The following PPM1E variants were observed in gnomAD, a reference collection of about 807,000 sequenced individuals.
The protein encoded by PPM1E is protein phosphatase, Mg2+/Mn2+ dependent 1E, also known as protein phosphatase 1E.
In PPM1E, 20 loss-of-function variants were observed where a neutral mutation model predicts 65.9. That is an observed-to-expected ratio of 0.30 (90% confidence interval 0.21 to 0.44). The LOEUF (loss-of-function observed/expected upper bound fraction) is 0.44, where lower values mean the gene tolerates loss of function less well. PPM1E is among the 20% of genes least tolerant of loss of function. PPM1E has a pLI of 1.00. For missense variants in PPM1E, 713 were observed against 953.1 expected, an observed-to-expected ratio of 0.75 and a Z score of 3.32; for synonymous variants, 352 against 374.9, an observed-to-expected ratio of 0.94 and a Z score of 0.70.
At chr17:58,950,786 T>TC (rs1395229903) in intron 1 of PPM1E, among the ~76,000 whole-genome samples, 1 of 147,540 alleles carries the variant, frequency 6.8e-6, no homozygotes, top group African/African-American at 2.5e-5. Flanking sequence ...TCTTTTTTTT[T>TC]TTTTTTTTTT....
intron 1 of PPM1E, among the ~76,000 whole-genome samples, chr17:58,838,353 A>G (rs1018848057): frequency 3.3e-5 from 5 of 152,228 alleles, no homozygotes; most frequent in Non-Finnish European, 7.3e-5. Flanking sequence ...GAACAACCCA[A>G]TTAAAAAGGG....
At chr17:58,825,216 ACACACACT>A (rs1307334085) in intron 1 of PPM1E, among the ~76,000 whole-genome samples, 3 of 106,914 alleles carry the variant, frequency 2.8e-5, no homozygotes, top group African/African-American at 1.2e-4. Context: ...TGATTCTCAC[ACACACACT>A]CACACACACA....
intron 4 of PPM1E, among the ~76,000 whole-genome samples, chr17:58,971,757 C>G (rs765122625): frequency 1.3e-5 from 2 of 152,114 alleles, no homozygotes; most frequent in Non-Finnish European, 2.9e-5. Context: ...AATTTTTACT[C>G]TGAGGATTGG....
intron 1 of PPM1E, among the ~76,000 whole-genome samples, chr17:58,931,707 G>A (rs1172984112): frequency 1.3e-5 from 2 of 152,266 alleles, no homozygotes; most frequent in East Asian, 3.9e-4. Context: ...TTTATCTATA[G>A]TCCTCAAGAA....
intron 1 of PPM1E, among the ~76,000 whole-genome samples, chr17:58,768,576 G>A (rs534322875): frequency 1.1e-3 from 172 of 152,288 alleles, no homozygotes; most frequent in African/African-American, 3.8e-3. Flanking sequence ...GATAAGAGCC[G>A]TCTAAGGGTT....
At chr17:58,795,695 C>T (rs531147843) in intron 1 of PPM1E, among the ~76,000 whole-genome samples, 8 of 152,240 alleles carry the variant, frequency 5.3e-5, no homozygotes, top group Non-Finnish European at 8.8e-5. Flanking sequence ...CAGAGTGAGA[C>T]GCTGTTTGAA....
rs558698915 is a variant in PPM1E, at chr17:58,756,132, C to T, written c.135C>T (p.Ser45=). 2 of 1,604,472 alleles carry T rather than the reference C, an allele frequency of 1.2e-6. No individual in the cohort carries two copies. Among genetic ancestry groups the T allele is most frequent in the East Asian group, 2.2e-5 (1 of 44,662 alleles). ...PEPEPEPEPE[S]EPEPEPELVE... ...CCGAACCCGAACCCGAACCCGAGTC[C>T]GAGCCCGAGCCCGAACCTGAACTGG... Residue 45 remains serine, a synonymous_variant, in exon 1 of 7, where the codon TCC becomes TCT. Transcript: ENST00000308249.
intron 6 of PPM1E, among the ~76,000 whole-genome samples, chr17:58,975,428 G>C (rs1407353068): frequency 6.6e-6 from 1 of 152,142 alleles, no homozygotes; most frequent in Non-Finnish European, 1.5e-5. Context: ...CCTGAGCCCA[G>C]GATTTTGAGA....
intron 1 of PPM1E, among the ~76,000 whole-genome samples, chr17:58,917,209 CA>C (rs1171808077): frequency 1.8e-4 from 19 of 102,876 alleles, no homozygotes; most frequent in Non-Finnish European, 2.8e-4. Flanking sequence ...GACTCTGTCT[CA>C]AAAAAAAGAA....
intron 1 of PPM1E, among the ~76,000 whole-genome samples, chr17:58,940,959 C>T (rs1315876045): frequency 6.6e-6 from 1 of 152,234 alleles, no homozygotes; most frequent in Non-Finnish European, 1.5e-5. Context: ...GATCCACCCA[C>T]CTCAGCCTCC....
At chr17:58,829,043 C>T (rs1413094141) in intron 1 of PPM1E, among the ~76,000 whole-genome samples, 1 of 151,640 alleles carries the variant, frequency 6.6e-6, no homozygotes, top group East Asian at 1.9e-4. Context: ...ATTTTCTTTT[C>T]TTTTTTCTTT....
At chr17:58,822,371 TTTA>T (rs869238874) in intron 1 of PPM1E, among the ~76,000 whole-genome samples, 3 of 150,216 alleles carry the variant, frequency 2.0e-5, no homozygotes, top group Admixed American at 6.7e-5. Flanking sequence ...TATTTATTTA[TTTA>T]TTTTTTGACG....
intron 1 of PPM1E, among the ~76,000 whole-genome samples, chr17:58,892,347 G>A (rs1284001001): frequency 6.6e-6 from 1 of 152,154 alleles, no homozygotes; most frequent in Non-Finnish European, 1.5e-5. Flanking sequence ...GCTGAAGCAG[G>A]AGGATTGCTT....
intron 1 of PPM1E, among the ~76,000 whole-genome samples, chr17:58,866,497 C>T (rs769474804): frequency 3.3e-5 from 5 of 152,196 alleles, no homozygotes; most frequent in South Asian, 2.1e-4. Flanking sequence ...TACGCCTTAG[C>T]GGCAACTGTT....
intron 1 of PPM1E, among the ~76,000 whole-genome samples, chr17:58,779,797 ACT>A (rs1391037841): frequency 6.6e-6 from 1 of 152,000 alleles, no homozygotes; most frequent in Non-Finnish European, 1.5e-5. Flanking sequence ...GCATTCATTC[ACT>A]CTCTATGTCA....
intron 1 of PPM1E, among the ~76,000 whole-genome samples, chr17:58,873,672 C>T (rs1422487958): frequency 1.3e-5 from 2 of 151,246 alleles, no homozygotes; most frequent in Non-Finnish European, 2.9e-5. Context: ...TAGCTCACTG[C>T]AGCCTTGATC....
At chr17:58,927,803 A>G (rs1474599236) in intron 1 of PPM1E, among the ~76,000 whole-genome samples, 1 of 152,068 alleles carries the variant, frequency 6.6e-6, no homozygotes, top group African/African-American at 2.4e-5. Context: ...TCATGCCTGT[A>G]ATCCCAGCAC....
chr17:58,974,391 A>G (rs2030864344), intron 6 of PPM1E, among the ~76,000 whole-genome samples: 1 of 152,208 alleles, frequency 6.6e-6, no homozygotes, highest in Non-Finnish European at 1.5e-5. Context: ...AAAGAACCCT[A>G]TATCCCTGGG....
chr17:58,899,014 G>C (rs924511520), intron 1 of PPM1E, among the ~76,000 whole-genome samples: 1 of 151,704 alleles, frequency 6.6e-6, no homozygotes, highest in Admixed American at 6.6e-5. Context: ...GTCGTGGGGT[G>C]GGGGGATGGG....
Sources: gnomAD v4.1 joint callset for allele counts (sites outside exome capture counted in the v4.1 genomes callset) on GRCh38, gnomAD v4.1.1 for gene constraint, MANE v1.5 for transcripts, NCBI Gene and HGNC (gene_info 2026-07-23, HGNC 2026-07-21) for gene names.